Variants in GRM8 observed in about 807,000 individuals in gnomAD.
GRM8 encodes glutamate metabotropic receptor 8.
GRM8 carries 47 observed loss-of-function variants against 87.2 expected under a neutral mutation model. That is an observed-to-expected ratio of 0.54 (90% CI 0.43 to 0.69). GRM8 has a LOEUF of 0.69. GRM8 is among the 30% of genes least tolerant of loss of function. The pLI, the probability that GRM8 is intolerant of heterozygous loss-of-function variation, is 0.00. For missense variants in GRM8, 1,019 were observed against 1,139.2 expected, an observed-to-expected ratio of 0.89 and a Z score of 1.52; for synonymous variants, 396 against 404.5, an observed-to-expected ratio of 0.98 and a Z score of 0.25.
chr7:127,124,671 A>G (rs1169402544), intron 2 of GRM8, among the ~76,000 whole-genome samples: 1 of 152,172 alleles, frequency 6.6e-6, no homozygotes. Context: ...CAATTGGATA[A>G]TGAACCTCCA....
At chr7:127,120,922 T>A (rs2299537) in intron 2 of GRM8, among the ~76,000 whole-genome samples, 24,268 of 152,256 alleles carry the variant, frequency 0.16, 2,237 homozygotes, top group Non-Finnish European at 0.21. Flanking sequence ...TCATGATAAA[T>A]CTATAGACCA....
intron 6 of GRM8, among the ~76,000 whole-genome samples, chr7:126,858,497 A>T (rs1247174506): frequency 6.6e-6 from 1 of 152,166 alleles, no homozygotes; most frequent in Non-Finnish European, 1.5e-5. Context: ...ATAGAAGTCC[A>T]TTGTTTTGAA....
chr7:126,977,016 T>C lies in GRM8; in HGVS notation c.728-72333A>G, dbSNP rs200450981. 8.5e-5 allele frequency among the ~76,000 whole-genome samples: 13 copies of C among 152,298 alleles called. No individual in the cohort carries two copies. The East Asian group carries it at 2.3e-3, about 27-fold the overall frequency. On this transcript the variant is annotated intron_variant, in intron 3 of 10. Transcript: ENST00000339582. ...AATTTTTCAATTCTGTCCATCACTG[T>C]TGTATCCAACTGACTTATTAGCATA...
rs1295494095 is a variant in GRM8 at position 127,243,314 on chromosome 7, G to A, written c.-110C>T. On this transcript the variant is annotated 5_prime_UTR_variant, in exon 2 of 11. Transcript: ENST00000339582. Reference sequence around the variant, plus strand: ...TGGAGGCTACCATCAGGGCCCATGGGGAAAAGGCTCTGTGGGCATTAGCAA... The same window carrying A: ...TGGAGGCTACCATCAGGGCCCATGGAGAAAAGGCTCTGTGGGCATTAGCAA... The A allele has an allele frequency of 1.2e-5, 11 of 954,046 alleles. No homozygotes were observed. The highest frequency in any genetic ancestry group is 1.7e-5 in the Non-Finnish European group (11 of 639,802). The allele number at this position is 954,046 out of a possible 1,614,324, so 59.1% of individuals were successfully genotyped here.
intron 3 of GRM8, among the ~76,000 whole-genome samples, chr7:126,914,643 T>C (rs556333515): frequency 3.9e-5 from 6 of 152,326 alleles, no homozygotes; most frequent in Non-Finnish European, 7.3e-5. Context: ...CTAGAGGCCA[T>C]AATCCTAAGC....
At chr7:126,837,157 G>T (rs370721316) in intron 6 of GRM8, among the ~76,000 whole-genome samples, 1 of 151,912 alleles carries the variant, frequency 6.6e-6, no homozygotes, top group East Asian at 1.9e-4. Flanking sequence ...TATCCAGAAA[G>T]GCCTCACATT....
intron 3 of GRM8, among the ~76,000 whole-genome samples, chr7:127,044,856 A>G (rs1818779798): frequency 6.6e-6 from 1 of 152,220 alleles, no homozygotes; most frequent in Non-Finnish European, 1.5e-5. Flanking sequence ...TTAGTACACA[A>G]AAAAAGTACA....
chr7:127,169,684 G>A (rs543617479), intron 2 of GRM8, among the ~76,000 whole-genome samples: 1 of 152,320 alleles, frequency 6.6e-6, no homozygotes, highest in Admixed American at 6.5e-5. Context: ...CTTATTAAGG[G>A]CTAATGTGGC....
At chr7:127,148,452 A>G (rs1028421124) in intron 2 of GRM8, among the ~76,000 whole-genome samples, 4 of 152,172 alleles carry the variant, frequency 2.6e-5, no homozygotes, top group Middle Eastern at 3.4e-3. Context: ...CTGGACTTGA[A>G]TAGCACTTTT....
chr7:126,466,787 G>A (rs1196213000), intron 9 of GRM8, among the ~76,000 whole-genome samples: 2 of 151,876 alleles, frequency 1.3e-5, no homozygotes, highest in East Asian at 3.9e-4. Context: ...CACTGGTGGA[G>A]GGGTGGTCTT....
intron 6 of GRM8, among the ~76,000 whole-genome samples, chr7:126,866,383 G>C (rs1480447758): frequency 6.6e-6 from 1 of 150,640 alleles, no homozygotes; most frequent in African/African-American, 2.4e-5. Context: ...TCACTTTCTT[G>C]GTGGTTTCCT....
intron 3 of GRM8, among the ~76,000 whole-genome samples, chr7:127,106,074 T>G (rs1198274658): frequency 6.6e-6 from 1 of 152,246 alleles, no homozygotes; most frequent in Non-Finnish European, 1.5e-5. Context: ...AGCATTGTTT[T>G]AAGATGATTA....
intron 7 of GRM8, among the ~76,000 whole-genome samples, chr7:126,650,767 C>A (rs1216942424): frequency 1.3e-5 from 2 of 151,922 alleles, no homozygotes; most frequent in African/African-American, 4.8e-5. Context: ...ATCAAGTGGA[C>A]AGGATAACCC....
intron 2 of GRM8, among the ~76,000 whole-genome samples, chr7:127,127,135 A>G (rs1827418427): frequency 6.6e-6 from 1 of 152,044 alleles, no homozygotes; most frequent in Non-Finnish European, 1.5e-5. Context: ...GCAAATTGCT[A>G]CAACCACTTT....
At chr7:126,662,014 C>A (rs551215962) in intron 7 of GRM8, among the ~76,000 whole-genome samples, 20,038 of 152,104 alleles carry the variant, frequency 0.13, 1,747 homozygotes, top group Non-Finnish European at 0.17. Context: ...TGTTAAAATA[C>A]CATGACTACA....
At chr7:126,768,945 A>AT (rs1818532867) in intron 7 of GRM8, among the ~76,000 whole-genome samples, 3 of 151,946 alleles carry the variant, frequency 2.0e-5, no homozygotes, top group Non-Finnish European at 2.9e-5. Context: ...AAAAAAATAA[A>AT]GAAGAAGTTT....
chr7:126,669,152 C>T (rs1024720153), intron 7 of GRM8, among the ~76,000 whole-genome samples: 1 of 152,094 alleles, frequency 6.6e-6, no homozygotes, highest in African/African-American at 2.4e-5. Flanking sequence ...GAACATCACA[C>T]ACCCGGGCCT....
intron 3 of GRM8, among the ~76,000 whole-genome samples, chr7:127,014,977 AAGG>A (rs1299067621): frequency 2.8e-5 from 4 of 144,498 alleles, no homozygotes; most frequent in Admixed American, 7.2e-5. Flanking sequence ...GAGGAAGAAG[AAGG>A]AGAAGAGGAA....
intron 9 of GRM8, among the ~76,000 whole-genome samples, chr7:126,449,098 A>T (rs1472631384): frequency 6.6e-6 from 1 of 151,800 alleles, no homozygotes; most frequent in Non-Finnish European, 1.5e-5. Flanking sequence ...GTGGCCTAGC[A>T]TTTGTTACAG....
Sources: allele counts gnomAD v4.1 joint callset (sites outside exome capture counted in the v4.1 genomes callset), GRCh38; gene constraint gnomAD v4.1.1; transcripts MANE v1.5; gene names NCBI Gene and HGNC (gene_info 2026-07-23, HGNC 2026-07-21).